NTM: variants seen among roughly 807,000 people sequenced by gnomAD.
The protein encoded by NTM is neurotrimin.
In NTM, 13 loss-of-function variants were observed where a neutral mutation model predicts 42.1. That is an observed-to-expected ratio of 0.31 (90% confidence interval 0.20 to 0.49). The LOEUF (loss-of-function observed/expected upper bound fraction) is 0.49, where lower values mean the gene tolerates loss of function less well. NTM is among the 20% of genes least tolerant of loss of function. NTM has a pLI of 0.99. For missense variants in NTM, 373 were observed against 452.8 expected (o/e 0.82, Z 1.60); for synonymous variants, 187 against 179.2 (o/e 1.04, Z -0.35).
At chr11:131,444,790 C>A (rs1194251676) in intron 1 of NTM, among the ~76,000 whole-genome samples, 1 of 152,102 alleles carries the variant, frequency 6.6e-6, no homozygotes, top group Non-Finnish European at 1.5e-5. Context: ...ATCAGTTGAT[C>A]TAACAGGGCT....
intron 4 of NTM, among the ~76,000 whole-genome samples, chr11:132,265,905 G>A (rs1448910230): frequency 6.6e-6 from 1 of 152,196 alleles, no homozygotes; most frequent in African/African-American, 2.4e-5. Context: ...TGGCAGAGAT[G>A]GGATACACTG....
chr11:131,948,465 C>A (rs2060617363), intron 2 of NTM, among the ~76,000 whole-genome samples: 1 of 152,198 alleles, frequency 6.6e-6, no homozygotes, highest in African/African-American at 2.4e-5. Context: ...CTTAGCCCTT[C>A]TCATTTACTG....
At chr11:131,505,280 A>G (rs879334599) in intron 1 of NTM, among the ~76,000 whole-genome samples, 3 of 152,160 alleles carry the variant, frequency 2.0e-5, no homozygotes, top group Admixed American at 1.3e-4. Context: ...AATGCTAACA[A>G]CGATCATTTA....
chr11:131,803,510 A>G (rs891406866), intron 1 of NTM, among the ~76,000 whole-genome samples: 2 of 152,146 alleles, frequency 1.3e-5, no homozygotes, highest in African/African-American at 4.8e-5. Context: ...GGGTTTCCCT[A>G]TGTTGGCGAG....
intron 2 of NTM, among the ~76,000 whole-genome samples, chr11:132,118,128 T>C (rs1394144726): frequency 7.2e-5 from 11 of 152,236 alleles, no homozygotes; most frequent in Non-Finnish European, 7.3e-5. Flanking sequence ...AGTCTTACAA[T>C]CTAATTAAGC....
At chr11:131,921,638 G>C (rs2057239762) in intron 2 of NTM, among the ~76,000 whole-genome samples, 1 of 152,084 alleles carries the variant, frequency 6.6e-6, no homozygotes, top group South Asian at 2.1e-4. Context: ...ATCTTGCAAA[G>C]GATCGTAGAT....
intron 1 of NTM, among the ~76,000 whole-genome samples, chr11:131,812,183 C>CCTCTCTCTCTCTCTCTCTCTCTCT (rs145003478): frequency 1.8e-4 from 26 of 143,038 alleles, no homozygotes; most frequent in African/African-American, 6.3e-4. Context: ...AATTAGTCAG[C>CCTCTCTCTCTCTCTCTCTCTCTCT]CTCTCTCTCT....
In NTM at chr11:132,058,267, T is replaced by C. The variant is rs1311498715; in HGVS notation, c.168-88015T>C. Among the ~76,000 whole-genome samples, 4 of 152,290 alleles carry C rather than the reference T, an allele frequency of 2.6e-5. No individual in the cohort carries two copies. The East Asian group carries it at 7.8e-4, about 30-fold the overall frequency. ...GGAGGAAGTGGGCGGGAGGTGCTGC[T>C]GCTGGAATGTGTGCTGGTTTCGGTA... On this transcript the variant is annotated intron_variant, in intron 2 of 8. Coordinates refer to ENST00000683400, the MANE Select transcript of NTM (RefSeq NM_001352005.2).
intron 1 of NTM, among the ~76,000 whole-genome samples, chr11:131,838,452 G>T (rs1272620272): frequency 6.6e-6 from 1 of 152,172 alleles, no homozygotes; most frequent in African/African-American, 2.4e-5. Flanking sequence ...CTGATGTCAT[G>T]TATTAGTTGT....
chr11:131,444,026 T>C (rs1011554750), intron 1 of NTM, among the ~76,000 whole-genome samples: 1 of 152,014 alleles, frequency 6.6e-6, no homozygotes, highest in African/African-American at 2.4e-5. Context: ...ATCTGTGAGA[T>C]AGAAAATGTT....
chr11:131,527,666 A>G (rs747946766), intron 1 of NTM, among the ~76,000 whole-genome samples: 109 of 152,334 alleles, frequency 7.2e-4, no homozygotes, highest in Non-Finnish European at 1.4e-3. Flanking sequence ...CTAACATCCC[A>G]GAGTTCTTCA....
chr11:131,824,286 T>C (rs1000609990), intron 1 of NTM, among the ~76,000 whole-genome samples: 8 of 152,192 alleles, frequency 5.3e-5, no homozygotes, highest in Admixed American at 5.2e-4. Flanking sequence ...TTCAGCACAT[T>C]GGAGTTCATT....
chr11:131,677,926 G>A (rs967186550), intron 1 of NTM, among the ~76,000 whole-genome samples: 2 of 152,140 alleles, frequency 1.3e-5, no homozygotes, highest in Non-Finnish European at 2.9e-5. Context: ...TCACAGGGTT[G>A]ATTTGAATCT....
chr11:132,137,641 G>T (rs1315450722), intron 2 of NTM, among the ~76,000 whole-genome samples: 1 of 152,132 alleles, frequency 6.6e-6, no homozygotes, highest in Admixed American at 6.5e-5. Context: ...GTAAGGGACA[G>T]TCAGGACCCT....
chr11:131,463,257 G>T (rs1467887697), intron 1 of NTM, among the ~76,000 whole-genome samples: 1 of 152,232 alleles, frequency 6.6e-6, no homozygotes, highest in African/African-American at 2.4e-5. Context: ...AGCTCCTGGT[G>T]CTGCCTTAAA....
intron 3 of NTM, among the ~76,000 whole-genome samples, chr11:132,203,984 G>C (rs2081560489): frequency 6.6e-6 from 1 of 152,140 alleles, no homozygotes; most frequent in Admixed American, 6.6e-5. Flanking sequence ...TGACTCCTCT[G>C]AGTATCGGTA....
intron 1 of NTM, among the ~76,000 whole-genome samples, chr11:131,688,229 C>A (rs761849058): frequency 6.6e-6 from 1 of 152,098 alleles, no homozygotes; most frequent in Non-Finnish European, 1.5e-5. Flanking sequence ...AACAGGCTCC[C>A]GGGGCGGGGG....
chr11:131,421,611 G>C (rs113595999), intron 1 of NTM, among the ~76,000 whole-genome samples: 6 of 152,192 alleles, frequency 3.9e-5, no homozygotes, highest in Non-Finnish European at 8.8e-5. Flanking sequence ...AGGAGATGAC[G>C]GGGAGGTGAC....
intron 1 of NTM, among the ~76,000 whole-genome samples, chr11:131,716,123 TC>T (rs1470831218): frequency 2.0e-5 from 3 of 152,144 alleles, no homozygotes; most frequent in Non-Finnish European, 4.4e-5. Flanking sequence ...GGACCCACTT[TC>T]TGGTTTATGG....
Sources: allele counts gnomAD v4.1 joint callset (sites outside exome capture counted in the v4.1 genomes callset), GRCh38; gene constraint gnomAD v4.1.1; transcripts MANE v1.5; gene names NCBI Gene and HGNC (gene_info 2026-07-23, HGNC 2026-07-21).